Variants in HEATR5B observed in about 807,000 individuals in gnomAD.
The protein encoded by HEATR5B is HEAT repeat containing 5B.
A neutral mutation model predicts 224.1 loss-of-function variants in HEATR5B; 156 were observed. The ratio of observed to expected loss-of-function variants is 0.70; its 90% CI spans 0.61 to 0.80. HEATR5B has a LOEUF of 0.80. HEATR5B is among the 30% of genes least tolerant of loss of function. The probability of loss-of-function intolerance (pLI) is 0.00; values close to 1 mark genes in which losing one functional copy is unlikely to be tolerated. For missense variants in HEATR5B, 2,323 were observed against 2,535.5 expected, an observed-to-expected ratio of 0.92 and a Z score of 1.80; for synonymous variants, 1,027 against 893.0, an observed-to-expected ratio of 1.15 and a Z score of -2.68.
Position 37,005,762 on chromosome 2 carries a change from G to C in HEATR5B, c.4778-3C>G. ...ACAAAGAAACTGTATACTCACACCT[G>C]AAATGCACAAAATAAAAACATGTTT... is the stretch of plus-strand genomic sequence containing the variant. On this transcript the variant is annotated splice_polypyrimidine_tract_variant and splice_region_variant and intron_variant, in intron 29 of 35. Coordinates refer to ENST00000233099, the MANE Select transcript of HEATR5B (RefSeq NM_019024.3). 3 of 1,566,390 alleles carry C rather than the reference G, an allele frequency of 1.9e-6. No individual in the cohort carries two copies. Among genetic ancestry groups the C allele is most frequent in the Non-Finnish European group, 2.6e-6 (3 of 1,162,174 alleles).
intron 35 of HEATR5B, among the ~76,000 whole-genome samples, chr2:36,983,541 A>AAAAAC (rs921897053): frequency 9.9e-5 from 15 of 151,992 alleles, no homozygotes; most frequent in East Asian, 1.9e-4. Context: ...CTCTGTCTCA[A>AAAAAC]AAAACAAAAC....
chr2:37,074,993 G>A (rs1459364253), intron 5 of HEATR5B, among the ~76,000 whole-genome samples: 1 of 152,206 alleles, frequency 6.6e-6, no homozygotes, highest in Non-Finnish European at 1.5e-5. Context: ...GAGTACTTTG[G>A]AAAACAGTTT....
chr2:36,991,436 A>T (rs1246526300), intron 33 of HEATR5B, among the ~76,000 whole-genome samples: 2 of 150,070 alleles, frequency 1.3e-5, no homozygotes, highest in East Asian at 4.0e-4. Flanking sequence ...TGGAGGTTGC[A>T]GTGAGCCAAG....
intron 6 of HEATR5B, among the ~76,000 whole-genome samples, chr2:37,071,130 ACATCATCATCATCAT>A (rs57358811): frequency 6.6e-6 from 1 of 151,084 alleles, no homozygotes; most frequent in African/African-American, 2.4e-5. Context: ...TTAAAACATT[ACATCATCATCATCAT>A]CATCATCATC....
intron 21 of HEATR5B, among the ~76,000 whole-genome samples, chr2:37,033,284 C>G (rs1021996096): frequency 6.6e-6 from 1 of 152,084 alleles, no homozygotes; most frequent in African/African-American, 2.4e-5. Flanking sequence ...AATACTACTA[C>G]TAATAAAATA....
chr2:37,045,015 T>C (rs1310192201), intron 18 of HEATR5B, among the ~76,000 whole-genome samples: 1 of 152,220 alleles, frequency 6.6e-6, no homozygotes, highest in Non-Finnish European at 1.5e-5. Context: ...CTTCTGTAAA[T>C]CCTATCCAGT....
intron 34 of HEATR5B, among the ~76,000 whole-genome samples, chr2:36,990,397 C>T (rs189779419): frequency 1.1e-4 from 16 of 152,240 alleles, no homozygotes; most frequent in African/African-American, 2.9e-4. Flanking sequence ...TAATCATAGA[C>T]TCTTGTCTCT....
intron 10 of HEATR5B, among the ~76,000 whole-genome samples, chr2:37,063,923 T>C (rs1367156866): frequency 6.6e-6 from 1 of 152,122 alleles, no homozygotes; most frequent in East Asian, 1.9e-4. Context: ...GTGATTCTCC[T>C]GCCTCAGCCT....
intron 24 of HEATR5B, among the ~76,000 whole-genome samples, chr2:37,027,266 G>A (rs1488126390): frequency 6.6e-6 from 1 of 152,088 alleles, no homozygotes; most frequent in Non-Finnish European, 1.5e-5. Flanking sequence ...CAAACTATAG[G>A]ATAAGGAATC....
At position 37,061,933 on chromosome 2, in the gene HEATR5B, T is replaced by C. The variant is rs906991815; in HGVS notation, c.1696+6A>G. 6 of 1,569,678 alleles carry C rather than the reference T, an allele frequency of 3.8e-6. No homozygotes were observed. The African/African-American group carries it at 5.4e-5, about 14-fold the overall frequency. ...TGACAAAAATCCTACTCAAATATAATTATACCTAAAGTCATAAGTGCTCCA... is the reference window on the plus strand; with the variant it reads ...TGACAAAAATCCTACTCAAATATAACTATACCTAAAGTCATAAGTGCTCCA... On this transcript the variant is annotated splice_donor_region_variant and intron_variant, in intron 11 of 35. Coordinates refer to ENST00000233099, the MANE Select transcript of HEATR5B (RefSeq NM_019024.3).
chr2:37,020,659 G>A lies in HEATR5B; in HGVS notation c.4031C>T (p.Ala1344Val). 1 of 1,558,126 alleles carries A rather than the reference G, an allele frequency of 6.4e-7. No individual in the cohort carries two copies. Among genetic ancestry groups the A allele is most frequent in the Non-Finnish European group, 8.6e-7 (1 of 1,161,052 alleles). Residue 1344 changes from alanine to valine, a missense_variant, in exon 25 of 36, where the codon GCT (alanine) becomes GTT (valine). Physicochemically the swap from Ala to Val is moderately conservative, Grantham distance 64. Around this residue, in one of 12 missense-constraint regions of HEATR5B, gnomAD observed 339 missense variants for 378.4 expected, o/e 0.90. Transcript: ENST00000233099. ...TAAATAAATAGAAAATCTCACATTAGCCTGATACTGCTCCAGTATCACATG... is the reference window on the plus strand; with the variant it reads ...TAAATAAATAGAAAATCTCACATTAACCTGATACTGCTCCAGTATCACATG... ...PGHVILEQYQ[A>V]NVGAALRPAF...
At position 37,062,895 on chromosome 2, in the gene HEATR5B, C is replaced by A. The variant is rs182940055; in HGVS notation, c.1585-845G>T. On this transcript the variant is annotated intron_variant, in intron 10 of 35. Coordinates refer to ENST00000233099, the MANE Select transcript of HEATR5B (RefSeq NM_019024.3). ...CTGGAATTCCTGGGCTCAAGGGATCCTCCTACCTCAGCCTCCTGAGTAGGT... is the reference window on the plus strand; with the variant it reads ...CTGGAATTCCTGGGCTCAAGGGATCATCCTACCTCAGCCTCCTGAGTAGGT... Among the ~76,000 whole-genome samples, 41 of 152,328 alleles carry A rather than the reference C, an allele frequency of 2.7e-4. No individual in the cohort carries two copies. In the East Asian group the frequency reaches 7.9e-3, roughly 29 times the overall value.
rs1185583484 is a variant in HEATR5B, at chr2:37,038,036, T to G, written c.3047-12A>C. On this transcript the variant is annotated splice_polypyrimidine_tract_variant and intron_variant, in intron 20 of 35. Transcript: ENST00000233099. ...TGTTGCTCCATTCCCTGGTGCAAAA[T>G]GAAAGAAAATATAAAATATAATTAT... The G allele has an allele frequency of 1.4e-6, 2 of 1,457,964 alleles. No homozygotes were observed. Among genetic ancestry groups the G allele is most frequent in the Non-Finnish European group, 9.1e-7 (1 of 1,093,654 alleles). 90.3% of individuals were successfully genotyped at this position (1,457,964 alleles called of 1,614,324 possible).
Position 36,999,688 on chromosome 2 carries a change from A to G in HEATR5B, c.5545+898T>C, listed in dbSNP as rs187320405. Among the ~76,000 whole-genome samples, 91 of 151,994 alleles carry G rather than the reference A, an allele frequency of 6.0e-4. 1 individual carries two copies. Among genetic ancestry groups the G allele is most frequent in the African/African-American group, 2.1e-3 (87 of 41,444 alleles). Reference sequence around the variant, plus strand: ...AGTGAGACCCTGTCTCAAAAAAAAAAAATTCTGGAGAGAGATATACATGTA... The same window carrying G: ...AGTGAGACCCTGTCTCAAAAAAAAAGAATTCTGGAGAGAGATATACATGTA... On this transcript the variant is annotated intron_variant, in intron 33 of 35. Coordinates refer to ENST00000233099, the MANE Select transcript of HEATR5B (RefSeq NM_019024.3).
intron 26 of HEATR5B, among the ~76,000 whole-genome samples, chr2:37,015,385 G>C (rs761703199): frequency 3.2e-4 from 49 of 152,294 alleles, no homozygotes; most frequent in Non-Finnish European, 5.3e-4. Flanking sequence ...TATATAGACA[G>C]TAAGTAATAT....
chr2:36,988,958 G>T (rs762569667), intron 34 of HEATR5B, 99 bp from the exon 35 acceptor site: 1 of 835,924 alleles, frequency 1.2e-6, no homozygotes, highest in Non-Finnish European at 1.9e-6. Context: ...AAGTGATACT[G>T]CAGGACAAAA....
At chr2:36,996,603 T>A (rs934442497) in intron 33 of HEATR5B, among the ~76,000 whole-genome samples, 8 of 151,836 alleles carry the variant, frequency 5.3e-5, no homozygotes, top group African/African-American at 1.4e-4. Flanking sequence ...ATATATATAT[T>A]TTTTTGAGAC....
intron 21 of HEATR5B, among the ~76,000 whole-genome samples, 159 bp from the exon 22 acceptor site, chr2:37,032,932 G>T (rs1291395041): frequency 6.6e-6 from 1 of 151,180 alleles, no homozygotes; most frequent in Non-Finnish European, 1.5e-5. Context: ...CCAGGCTGGA[G>T]CGCAGTGGCG....
intron 2 of HEATR5B, 46 bp downstream of exon 2, chr2:37,083,242 TA>T (rs1183785345): frequency 6.2e-7 from 1 of 1,605,852 alleles, no homozygotes. Context: ...CATGACCACA[TA>T]ATCTCTTCAC....
Sources: allele counts gnomAD v4.1 joint callset (sites outside exome capture counted in the v4.1 genomes callset), GRCh38; gene constraint gnomAD v4.1.1; regional missense constraint gnomAD v4.1.1; transcripts MANE v1.5; gene names NCBI Gene and HGNC (gene_info 2026-07-23, HGNC 2026-07-21).